The following RALGAPA2 variants were observed in gnomAD, a reference collection of about 807,000 sequenced individuals.
RALGAPA2 encodes the protein Ral GTPase activating protein catalytic subunit alpha 2.
Under a neutral mutation model 230.4 loss-of-function variants are expected in RALGAPA2, and 139 were observed. The observed-to-expected ratio is 0.60, with a 90% CI of 0.53 to 0.69. RALGAPA2 has a LOEUF of 0.69. Ranked by LOEUF, RALGAPA2 falls within the 30% of genes least tolerant of loss-of-function variation. The pLI is 0.00. For missense variants in RALGAPA2, 2,163 were observed against 2,276.0 expected (o/e 0.95, Z 1.01); for synonymous variants, 847 against 837.8 (o/e 1.01, Z -0.19).
At chr20:20,703,128 G>A (rs996886586) in intron 1 of RALGAPA2, among the ~76,000 whole-genome samples, 65 of 151,928 alleles carry the variant, frequency 4.3e-4, no homozygotes, top group Middle Eastern at 3.4e-3. Flanking sequence ...AGGCGAAATT[G>A]CACCACTGAA....
Position 20,469,360 on chromosome 20 carries a change from G to A in RALGAPA2, c.5495+3469C>T, listed in dbSNP as rs145974111. Among the ~76,000 whole-genome samples the A allele has an allele frequency of 1.8e-3, 272 of 152,326 alleles. 2 individuals are homozygous for A. The highest frequency in any genetic ancestry group is 6.1e-3 in the African/African-American group (255 of 41,560). ...GTCATTTTTGAAGATGTGAAAATTC[G>A]TAGCAGAATTTAGCAATGAGATTCC... On this transcript the variant is annotated intron_variant, in intron 37 of 39. Transcript: ENST00000202677.
chr20:20,455,775 G>T (rs2061101528), intron 37 of RALGAPA2, among the ~76,000 whole-genome samples: 1 of 152,086 alleles, frequency 6.6e-6, no homozygotes, highest in African/African-American at 2.4e-5. Flanking sequence ...GGTCCAAACG[G>T]ACATTCTCCT....
At chr20:20,446,498 G>A (rs576616133) in intron 37 of RALGAPA2, among the ~76,000 whole-genome samples, 1 of 152,326 alleles carries the variant, frequency 6.6e-6, no homozygotes, top group East Asian at 1.9e-4. Flanking sequence ...ACAAGGAGGA[G>A]AGGAGAATGA....
intron 35 of RALGAPA2, among the ~76,000 whole-genome samples, chr20:20,496,729 A>G (rs2062216566): frequency 6.6e-6 from 1 of 152,232 alleles, no homozygotes. Flanking sequence ...TTTTCTTTAG[A>G]CTATTTGACC....
At chr20:20,641,961 C>T (rs376995435) in intron 5 of RALGAPA2, among the ~76,000 whole-genome samples, 12 of 151,490 alleles carry the variant, frequency 7.9e-5, no homozygotes, top group African/African-American at 1.5e-4. Flanking sequence ...GCCCCATTAA[C>T]GGGGTAAATT....
At chr20:20,577,679 G>A (rs966862479) in intron 20 of RALGAPA2, among the ~76,000 whole-genome samples, 3 of 152,094 alleles carry the variant, frequency 2.0e-5, no homozygotes, top group Non-Finnish European at 4.4e-5. Context: ...AAGGTATGCT[G>A]AAGCATCAAT....
chr20:20,516,829 G>A (rs571971872), intron 31 of RALGAPA2, among the ~76,000 whole-genome samples: 1 of 152,312 alleles, frequency 6.6e-6, no homozygotes, highest in Admixed American at 6.5e-5. Context: ...TATTCCTAGG[G>A]AAAGTGGGAG....
At chr20:20,463,348 C>T (rs750781956) in intron 37 of RALGAPA2, among the ~76,000 whole-genome samples, 3 of 152,084 alleles carry the variant, frequency 2.0e-5, no homozygotes, top group Non-Finnish European at 4.4e-5. Flanking sequence ...AGTGATTTGG[C>T]ATGGATAAAC....
chr20:20,406,731 G>C (rs542332469), intron 38 of RALGAPA2, among the ~76,000 whole-genome samples: 3 of 152,318 alleles, frequency 2.0e-5, no homozygotes, highest in African/African-American at 7.2e-5. Context: ...GGGTAACATG[G>C]TGAACCCCTG....
chr20:20,430,729 T>C (rs1016647064), intron 37 of RALGAPA2, among the ~76,000 whole-genome samples: 9 of 152,186 alleles, frequency 5.9e-5, no homozygotes, highest in South Asian at 4.1e-4. Context: ...TGTATGTTGA[T>C]AGCAGACACA....
chr20:20,450,611 C>A (rs2123155316), intron 37 of RALGAPA2, among the ~76,000 whole-genome samples: 1 of 152,368 alleles, frequency 6.6e-6, no homozygotes, highest in East Asian at 1.9e-4. Context: ...CCTGCCCTGG[C>A]TGTGGGCCCC....
intron 13 of RALGAPA2, among the ~76,000 whole-genome samples, chr20:20,614,407 A>G (rs1426848176): frequency 6.6e-6 from 1 of 152,252 alleles, no homozygotes; most frequent in Non-Finnish European, 1.5e-5. Flanking sequence ...TTCAAAGGAA[A>G]AAAACATTAA....
intron 31 of RALGAPA2, among the ~76,000 whole-genome samples, chr20:20,516,315 G>C (rs2062868497): frequency 6.6e-6 from 1 of 152,166 alleles, no homozygotes; most frequent in Non-Finnish European, 1.5e-5. Context: ...CATTGCCTCA[G>C]AACCAGATTA....
Position 20,524,898 on chromosome 20 carries a change from T to A in RALGAPA2, c.3694A>T (p.Ile1232Phe), listed in dbSNP as rs748877467. 2.5e-6 allele frequency: 4 copies of A among 1,603,908 alleles called. No individual in the cohort carries two copies. The highest frequency in any genetic ancestry group is 3.4e-5 in the Admixed American group (2 of 58,864). ...AGAAAAGCAACTGTGGCCACGAGGA[T>A]CTGCATAAAAGATAAATCCCCAATC... ...ETSLPRKMAE[I>F]LVATVAFLLP... Residue 1232 changes from isoleucine (I) to phenylalanine (F), a missense_variant and splice_region_variant, in exon 29 of 40, where the codon ATC becomes TTC. Transcript: ENST00000202677.
chr20:20,640,953 TGAGA>T, intron 5 of RALGAPA2, 75 bp from the exon 6 acceptor site: 1 of 1,322,780 alleles, frequency 7.6e-7, no homozygotes, highest in South Asian at 1.4e-5. Context: ...GCATCGGTCT[TGAGA>T]AAGAAAAACT....
intron 36 of RALGAPA2, among the ~76,000 whole-genome samples, chr20:20,477,634 A>G (rs1026767512): frequency 1.8e-4 from 28 of 152,160 alleles, no homozygotes; most frequent in Admixed American, 1.3e-4. Context: ...TGCTTAGGCT[A>G]GAGTGCAGTG....
intron 39 of RALGAPA2, among the ~76,000 whole-genome samples, 177 bp from the exon 40 acceptor site, chr20:20,393,430 GTCTT>G (rs561564433): frequency 1.8e-3 from 276 of 152,350 alleles, no homozygotes; most frequent in African/African-American, 6.2e-3. Context: ...ACACATGAAT[GTCTT>G]TCTTCTTATT....
intron 16 of RALGAPA2, among the ~76,000 whole-genome samples, chr20:20,597,862 C>A (rs764146950): frequency 3.3e-5 from 5 of 151,882 alleles, no homozygotes; most frequent in South Asian, 4.2e-4. Flanking sequence ...ACAACAACAA[C>A]AAAAAATACT....
intron 10 of RALGAPA2, among the ~76,000 whole-genome samples, chr20:20,625,214 C>G (rs1015924172): frequency 6.6e-6 from 1 of 152,182 alleles, no homozygotes; most frequent in African/African-American, 2.4e-5. Flanking sequence ...TGTCTCTCTA[C>G]CAGCCTGCTT....
Sources: allele counts gnomAD v4.1 joint callset (sites outside exome capture counted in the v4.1 genomes callset), GRCh38; gene constraint gnomAD v4.1.1; transcripts MANE v1.5; gene names NCBI Gene and HGNC (gene_info 2026-07-23, HGNC 2026-07-21).